The following VCL variants were observed in gnomAD, a reference collection of about 807,000 sequenced individuals.
VCL encodes epididymis luminal protein 114.
VCL carries 47 observed loss-of-function variants against 125.7 expected under a neutral mutation model. The observed-to-expected ratio is 0.37, with a 90% CI of 0.30 to 0.48. VCL has a LOEUF of 0.48. VCL is among the 20% of genes least tolerant of loss of function. VCL has a pLI of 0.99. For missense variants in VCL, 1,069 were observed against 1,455.5 expected (o/e 0.73, Z 4.32); for synonymous variants, 458 against 514.6 (o/e 0.89, Z 1.49).
At chr10:74,105,435 C>T in intron 16 of VCL, 82 bp downstream of exon 16, 1 of 1,560,812 alleles carries the variant, frequency 6.4e-7, no homozygotes, top group Non-Finnish European at 8.8e-7. Context: ...TACCCCACAA[C>T]CACCACATAC....
At chr10:74,109,236 A>T (rs1840183687) in intron 18 of VCL, 80 bp downstream of exon 18, 1 of 1,564,234 alleles carries the variant, frequency 6.4e-7, no homozygotes, top group Non-Finnish European at 8.7e-7. Context: ...CAGAAAGAAG[A>T]GTCTATTTGG....
chr10:74,018,639 G>A (rs1840605180), intron 1 of VCL, among the ~76,000 whole-genome samples: 1 of 152,118 alleles, frequency 6.6e-6, no homozygotes, highest in South Asian at 2.1e-4. Context: ...GACTGTTAAG[G>A]TGGATTGTGT....
chr10:74,087,241 C>T (rs1054733406), intron 8 of VCL, among the ~76,000 whole-genome samples: 17 of 150,440 alleles, frequency 1.1e-4, no homozygotes, highest in East Asian at 5.8e-4. Context: ...TTTATATACC[C>T]GGCAATAAAT....
intron 1 of VCL, among the ~76,000 whole-genome samples, chr10:74,006,455 G>A (rs2136223712): frequency 6.6e-6 from 1 of 152,262 alleles, no homozygotes; most frequent in Non-Finnish European, 1.5e-5. Flanking sequence ...TTACAGTCCT[G>A]GAGTAAGGAC....
chr10:74,070,577 T>C, intron 2 of VCL, 93 bp from the exon 3 acceptor site: 1 of 1,571,568 alleles, frequency 6.4e-7, no homozygotes, highest in Non-Finnish European at 8.7e-7. Context: ...GGAAAAAAAC[T>C]GTGAATTTAC....
At chr10:74,114,645 G>C (rs1336637444) in intron 20 of VCL, 150 bp from the exon 21 acceptor site, 1 of 950,460 alleles carries the variant, frequency 1.1e-6, no homozygotes, top group East Asian at 2.6e-5. Context: ...ACTGACCCTA[G>C]GGGAAAAAAC....
chr10:74,015,747 C>T (rs553460932), intron 1 of VCL, among the ~76,000 whole-genome samples: 4 of 150,550 alleles, frequency 2.7e-5, no homozygotes, highest in East Asian at 2.0e-4. Context: ...TGCAGTGGTG[C>T]GATCTTGGCT....
chr10:74,047,523 G>T (rs946750256), intron 2 of VCL, among the ~76,000 whole-genome samples: 1 of 152,132 alleles, frequency 6.6e-6, no homozygotes, highest in East Asian at 1.9e-4. Flanking sequence ...GGGCATGACC[G>T]ACTGAAACTT....
chr10:74,097,093 T>G lies in VCL; in HGVS notation c.1744-111T>G. 1 of 1,491,700 alleles carries G rather than the reference T, an allele frequency of 6.7e-7. No individual in the cohort carries two copies. Among genetic ancestry groups the G allele is most frequent in the Non-Finnish European group, 9.2e-7 (1 of 1,089,380 alleles). The allele number at this position is 1,491,700 out of a possible 1,614,324, so 92.4% of individuals were successfully genotyped here. Reference sequence around the variant, plus strand: ...TGCTTTGTACACAGTTAACAAATATTTATTGAATGAAAGACTGAATAGATG... The same window carrying G: ...TGCTTTGTACACAGTTAACAAATATGTATTGAATGAAAGACTGAATAGATG... On this transcript the variant is annotated intron_variant, in intron 12 of 21. Coordinates refer to ENST00000211998, the MANE Select transcript of VCL (RefSeq NM_014000.3). The surrounding 1 kb of genome is among the most constrained non-coding windows in gnomAD (Gnocchi z 4.1).
At chr10:74,059,694 C>A (rs945228646) in intron 2 of VCL, among the ~76,000 whole-genome samples, 1 of 152,140 alleles carries the variant, frequency 6.6e-6, no homozygotes, top group Non-Finnish European at 1.5e-5. Flanking sequence ...TGTGAGCCAC[C>A]GCGTCCAGCC....
chr10:74,048,968 C>T (rs1362136633), intron 2 of VCL, among the ~76,000 whole-genome samples: 1 of 152,068 alleles, frequency 6.6e-6, no homozygotes, highest in Non-Finnish European at 1.5e-5. Context: ...ATTAGCCGGA[C>T]GTGGTGGCAG....
At chr10:74,002,062 G>A (rs1003300742) in intron 1 of VCL, among the ~76,000 whole-genome samples, 2 of 152,090 alleles carry the variant, frequency 1.3e-5, no homozygotes, top group Non-Finnish European at 2.9e-5. Flanking sequence ...GGTGTTTATT[G>A]AGACCCCTTC....
intron 1 of VCL, among the ~76,000 whole-genome samples, chr10:74,010,665 A>G (rs1423434752): frequency 6.6e-6 from 1 of 151,984 alleles, no homozygotes; most frequent in African/African-American, 2.4e-5. Flanking sequence ...AAAAACAAAC[A>G]AAAACAAAAC....
intron 18 of VCL, among the ~76,000 whole-genome samples, chr10:74,109,549 T>C (rs1347076955): frequency 6.6e-6 from 1 of 150,410 alleles, no homozygotes; most frequent in Non-Finnish European, 1.5e-5. Flanking sequence ...TGGGCTGTGC[T>C]AAAGCTAGAT....
At chr10:74,035,416 A>T (rs930095026) in intron 1 of VCL, among the ~76,000 whole-genome samples, 24 of 152,334 alleles carry the variant, frequency 1.6e-4, no homozygotes, top group Admixed American at 1.5e-3. Context: ...GGATATTTAA[A>T]TTAACTACTG....
chr10:74,094,571 C>T (rs770745328), intron 11 of VCL, 110 bp downstream of exon 11: 231 of 1,288,500 alleles, frequency 1.8e-4, no homozygotes, highest in Non-Finnish European at 1.7e-4. Flanking sequence ...TCTTTAGCTG[C>T]TGATAAGTAA....
intron 17 of VCL, 65 bp downstream of exon 17, chr10:74,107,419 T>C (rs1352251726): frequency 1.2e-6 from 2 of 1,612,592 alleles, no homozygotes; most frequent in Non-Finnish European, 1.7e-6. Flanking sequence ...AAGAGAGAGG[T>C]AGATTGTGTT....
chr10:74,035,723 G>C (rs999418855), intron 1 of VCL, among the ~76,000 whole-genome samples: 1 of 152,176 alleles, frequency 6.6e-6, no homozygotes, highest in Non-Finnish European at 1.5e-5. Context: ...CTCGGCAATG[G>C]AATAAAGTTA....
At chr10:74,035,197 A>G (rs1288017588) in intron 1 of VCL, among the ~76,000 whole-genome samples, 1 of 151,300 alleles carries the variant, frequency 6.6e-6, no homozygotes, top group East Asian at 1.9e-4. Context: ...GGAGACATCT[A>G]CATTAACATA....
Sources: allele counts gnomAD v4.1 joint callset (sites outside exome capture counted in the v4.1 genomes callset), GRCh38; gene constraint gnomAD v4.1.1; non-coding constraint Gnocchi (gnomAD v3.1); transcripts MANE v1.5; gene names NCBI Gene and HGNC (gene_info 2026-07-23, HGNC 2026-07-21).